CSMD1: variants seen among roughly 807,000 people sequenced by gnomAD.
CSMD1 encodes the protein CUB and sushi domain-containing protein 1.
Under a neutral mutation model 417.5 loss-of-function variants are expected in CSMD1, and 213 were observed. The observed-to-expected ratio is 0.51, with a 90% CI of 0.46 to 0.57. The LOEUF is 0.57. CSMD1 is among the 20% of genes least tolerant of loss of function. CSMD1 has a pLI of 0.00. For missense variants in CSMD1, 6,923 were observed against 4,529.7 expected, an observed-to-expected ratio of 1.53 and a Z score of -15.17; for synonymous variants, 2,862 against 1,736.8, an observed-to-expected ratio of 1.65 and a Z score of -16.11.
intron 26 of CSMD1, among the ~76,000 whole-genome samples, chr8:3,262,545 AAAAAG>A (rs1317281660): frequency 1.4e-4 from 21 of 152,138 alleles, no homozygotes; most frequent in Admixed American, 2.6e-4. Context: ...AAATGAAAAA[AAAAAG>A]AAAAAGAAAA....
At chr8:4,637,315 C>A in intron 2 of CSMD1, 27 bp downstream of exon 2, 1 of 1,514,200 alleles carries the variant, frequency 6.6e-7, no homozygotes, top group South Asian at 1.1e-5. Context: ...ACAGTGCTAA[C>A]TGTAATATAA....
chr8:3,165,289 T>C (rs1820136669), intron 37 of CSMD1, among the ~76,000 whole-genome samples: 1 of 152,114 alleles, frequency 6.6e-6, no homozygotes, highest in South Asian at 2.1e-4. Flanking sequence ...ACAAAGTGCA[T>C]AAGCGATTGA....
In CSMD1 at chr8:3,261,977, A is replaced by ACAGGATGT. The variant is rs1801099827; in HGVS notation, c.4153+22159_4153+22166dup. 1.3e-5 allele frequency among the ~76,000 whole-genome samples: 2 copies of ACAGGATGT among 151,828 alleles called. 1 individual carries two copies. The highest frequency in any genetic ancestry group is 4.8e-5 in the African/African-American group (2 of 41,310). On this transcript the variant is annotated intron_variant, in intron 26 of 69. Coordinates refer to ENST00000635120, the MANE Select transcript of CSMD1 (RefSeq NM_033225.6). ...GGCTGTGATAGTGAACTCTAGTTCT[A>ACAGGATGT]CAGGATGTTACTCTTGGGGGAAACT... is the stretch of plus-strand genomic sequence containing the variant.
At chr8:3,010,970 C>T (rs754282542) in intron 52 of CSMD1, among the ~76,000 whole-genome samples, 92 of 152,062 alleles carry the variant, frequency 6.1e-4, no homozygotes, top group Admixed American at 2.6e-3. Flanking sequence ...TCGTGATCTG[C>T]CCACCTCGGC....
intron 3 of CSMD1, among the ~76,000 whole-genome samples, chr8:4,181,535 A>C (rs2131177675): frequency 6.6e-6 from 1 of 152,226 alleles, no homozygotes; most frequent in East Asian, 1.9e-4. Context: ...TATTTTAAGA[A>C]AGTTTATGAA....
rs544441374 is a variant in CSMD1 at position 3,636,311 on chromosome 8, G to A, written c.1010-19514C>T. On this transcript the variant is annotated intron_variant, in intron 7 of 69. Coordinates refer to ENST00000635120, the MANE Select transcript of CSMD1 (RefSeq NM_033225.6). ...CCTGCCTGAGGCTGTTGTACAGGCC[G>A]GGATTACAGGCATGCGCCACCACGC... 6.8e-4 allele frequency among the ~76,000 whole-genome samples: 103 copies of A among 152,276 alleles called. 1 individual carries two copies. Among genetic ancestry groups the A allele is most frequent in the African/African-American group, 2.4e-3 (99 of 41,542 alleles).
intron 1 of CSMD1, among the ~76,000 whole-genome samples, chr8:4,951,441 G>GAGGGAAGGAAGGA: frequency 6.7e-6 from 1 of 149,032 alleles, no homozygotes; most frequent in South Asian, 2.1e-4. Context: ...AAGAAAGAAA[G>GAGGGAAGGAAGGA]AGGGAAGGAA....
chr8:4,012,952 G>A (rs550448789), intron 4 of CSMD1, among the ~76,000 whole-genome samples: 1 of 151,928 alleles, frequency 6.6e-6, no homozygotes, highest in Admixed American at 6.6e-5. Context: ...AATGTGTCTG[G>A]CCATCTCCTC....
At chr8:3,172,306 T>C (rs1289503506) in intron 37 of CSMD1, among the ~76,000 whole-genome samples, 2 of 152,212 alleles carry the variant, frequency 1.3e-5, no homozygotes, top group East Asian at 1.9e-4. Flanking sequence ...GGTCTCTGTA[T>C]TGATATTTTG....
intron 3 of CSMD1, among the ~76,000 whole-genome samples, chr8:4,257,370 A>C (rs1322150007): frequency 6.6e-6 from 1 of 152,124 alleles, no homozygotes; most frequent in Admixed American, 6.5e-5. Flanking sequence ...CTCCTTTAGA[A>C]AATTATATAT....
At chr8:4,323,232 G>C (rs1799369374) in intron 3 of CSMD1, among the ~76,000 whole-genome samples, 1 of 152,270 alleles carries the variant, frequency 6.6e-6, no homozygotes, top group African/African-American at 2.4e-5. Flanking sequence ...AGAGAAGTTA[G>C]GCATTATGTA....
Position 3,684,660 on chromosome 8 carries a change from C to G in CSMD1, c.1009+23754G>C, listed in dbSNP as rs373309664. ...TCGCCCAGGCTGGAGTGCAGTGGCG[C>G]TATCTCCGCTCACTGCTAGCTCCGC... On this transcript the variant is annotated intron_variant, in intron 7 of 69. Transcript: ENST00000635120. Among the ~76,000 whole-genome samples the G allele has an allele frequency of 4.5e-4, 67 of 147,466 alleles. No homozygotes were observed. In the East Asian group the frequency reaches 0.012, roughly 26 times the overall value.
At position 4,501,997 on chromosome 8, in the gene CSMD1, C is replaced by G. The variant is rs73660886; in HGVS notation, c.303-81932G>C. 1.6e-3 allele frequency among the ~76,000 whole-genome samples: 246 copies of G among 152,204 alleles called. 2 individuals carry two copies. The highest frequency in any genetic ancestry group is 5.8e-3 in the African/African-American group (240 of 41,538). On this transcript the variant is annotated intron_variant, in intron 2 of 69. Coordinates refer to ENST00000635120, the MANE Select transcript of CSMD1 (RefSeq NM_033225.6). ...GAAATGCATTTTAATAATGGGCATGCAAGACTCAGGCTCTAACCTTTGCAG... is the reference window on the plus strand; with the variant it reads ...GAAATGCATTTTAATAATGGGCATGGAAGACTCAGGCTCTAACCTTTGCAG...
chr8:4,473,906 G>C (rs995007854), intron 2 of CSMD1, among the ~76,000 whole-genome samples: 1 of 152,010 alleles, frequency 6.6e-6, no homozygotes, highest in Admixed American at 6.6e-5. Flanking sequence ...CAGTGAAAAA[G>C]AACAAACTAA....
intron 10 of CSMD1, among the ~76,000 whole-genome samples, chr8:3,532,193 C>T (rs539267536): frequency 7.9e-5 from 12 of 152,268 alleles, no homozygotes; most frequent in Middle Eastern, 3.4e-3. Context: ...AAACCTCACC[C>T]TTAGTATGTC....
chr8:4,057,419 G>C (rs1017343025), intron 3 of CSMD1, among the ~76,000 whole-genome samples: 4 of 152,120 alleles, frequency 2.6e-5, no homozygotes, highest in African/African-American at 7.2e-5. Context: ...GTTCATTGTA[G>C]ATTCTGGATG....
intron 3 of CSMD1, among the ~76,000 whole-genome samples, chr8:4,393,777 G>C (rs75895909): frequency 0.03 from 4,621 of 152,210 alleles, 220 homozygotes; most frequent in African/African-American, 0.11. Flanking sequence ...AGAAAAAGCT[G>C]CAATCCTTAA....
intron 28 of CSMD1, among the ~76,000 whole-genome samples, chr8:3,221,143 C>T (rs1384858657): frequency 1.3e-5 from 2 of 152,152 alleles, no homozygotes; most frequent in Non-Finnish European, 1.5e-5. Context: ...GTCCACTGCA[C>T]CATGAAGGGG....
chr8:4,048,505 G>T (rs1489434087), intron 3 of CSMD1, among the ~76,000 whole-genome samples: 2 of 152,088 alleles, frequency 1.3e-5, no homozygotes, highest in African/African-American at 4.8e-5. Flanking sequence ...AACTGAGGCA[G>T]AAAAGTTAAG....
Sources: gnomAD v4.1 joint callset for allele counts (sites outside exome capture counted in the v4.1 genomes callset) on GRCh38, gnomAD v4.1.1 for gene constraint, MANE v1.5 for transcripts, NCBI Gene and HGNC (gene_info 2026-07-23, HGNC 2026-07-21) for gene names.